ZNF597: variants seen among roughly 807,000 people sequenced by gnomAD.
The protein encoded by ZNF597 is zinc finger protein 597.
ZNF597 carries 5 observed loss-of-function variants against 7.3 expected under a neutral mutation model. The ratio of observed to expected loss-of-function variants is 0.68; its 90% CI spans 0.36 to 1.44. The LOEUF is 1.44. ZNF597 is among the 40% of genes most tolerant of loss of function. The pLI, the probability that ZNF597 is intolerant of heterozygous loss-of-function variation, is 0.04. For missense variants in ZNF597, 585 were observed against 517.9 expected (o/e 1.13, Z -1.26); for synonymous variants, 209 against 185.4 (o/e 1.13, Z -1.04).
intron 3 of ZNF597, among the ~76,000 whole-genome samples, chr16:3,438,940 C>T (rs1206140163): frequency 6.6e-6 from 1 of 152,184 alleles, no homozygotes; most frequent in Non-Finnish European, 1.5e-5. Flanking sequence ...TCATGGGAAT[C>T]CAAACAGTAC....
At chr16:3,438,982 T>C (rs1244827537) in intron 3 of ZNF597, among the ~76,000 whole-genome samples, 1 of 152,018 alleles carries the variant, frequency 6.6e-6, no homozygotes, top group Non-Finnish European at 1.5e-5. Context: ...GGGGACTGAG[T>C]TCAGAGATCA....
intron 3 of ZNF597, among the ~76,000 whole-genome samples, chr16:3,438,981 G>C (rs2034335193): frequency 6.6e-6 from 1 of 152,196 alleles, no homozygotes; most frequent in Non-Finnish European, 1.5e-5. Context: ...AGGGGACTGA[G>C]TTCAGAGATC....
rs1181983683 is a variant in ZNF597, at chr16:3,432,530, A to C, written c.*3894T>G. On this transcript the variant is annotated 3_prime_UTR_variant, in exon 4 of 4. Coordinates refer to ENST00000301744, the MANE Select transcript of ZNF597 (RefSeq NM_152457.3). The stretch of plus-strand genomic sequence containing the variant: ...TGATGAGAATACGTCAAAAAGAGTA[A>C]GACCCAAAACATTGAATAAACAGTA... 1 of 152,220 alleles carries C rather than the reference A, an allele frequency of 6.6e-6. No homozygotes were observed. Among genetic ancestry groups the C allele is most frequent in the Non-Finnish European group, 1.5e-5 (1 of 68,042 alleles). 9.4% of individuals were successfully genotyped at this position (152,220 alleles called of 1,614,324 possible).
At position 3,436,582 on chromosome 16, in the gene ZNF597, T is replaced by A; in HGVS notation, c.1117A>T (p.Thr373Ser). The change falls in exon 4 of 4, where the codon ACA becomes TCA. Residue 373 changes from threonine to serine, a missense_variant. Transcript: ENST00000301744. ...TCCAAAGCAAAACTTTCCTCGCATG[T>A]TTTGCACTTATGGGGCCTTTCCTCT... ...HTEERPHKCK[T>S]CEESFALDSE... 6.2e-7 allele frequency: 1 copy of A among 1,610,622 alleles called. No homozygotes were observed. The highest frequency in any genetic ancestry group is 8.5e-7 in the Non-Finnish European group (1 of 1,178,136).
At chr16:3,437,668 A>T in intron 3 of ZNF597, 130 bp from the exon 4 acceptor site, 2 of 1,385,756 alleles carry the variant, frequency 1.4e-6, no homozygotes, top group Non-Finnish European at 1.9e-6. Flanking sequence ...CCCAGACACT[A>T]ACCACACAAA....
At position 3,436,628 on chromosome 16, in the gene ZNF597, A is replaced by T; in HGVS notation, c.1071T>A (p.Ile357=). 6.2e-7 allele frequency: 1 copy of T among 1,606,604 alleles called. No homozygotes were observed. Among genetic ancestry groups the T allele is most frequent in the Non-Finnish European group, 8.5e-7 (1 of 1,175,912 alleles). ...CCTCTGTATGAATGTTCTGATGGGA[A>T]ATAAGCTCAGAGAAACAAGGAAAGG... is the stretch of plus-strand genomic sequence containing the variant. ...DMTFPCFSEL[I]SHQNIHTEER... Residue 357 remains isoleucine (I), a synonymous_variant, in exon 4 of 4, where the codon ATT becomes ATA. Transcript: ENST00000301744.
intron 3 of ZNF597, among the ~76,000 whole-genome samples, chr16:3,440,097 A>G (rs1298899541): frequency 6.6e-6 from 1 of 152,214 alleles, no homozygotes; most frequent in Non-Finnish European, 1.5e-5. Flanking sequence ...ACTCAATCCT[A>G]GTCAGAAATA....
Position 3,434,312 on chromosome 16 carries a change from G to C in ZNF597, c.*2112C>G, listed in dbSNP as rs955808868. 6.6e-6 allele frequency: 1 copy of C among 152,216 alleles called. No homozygotes were observed. Among genetic ancestry groups the C allele is most frequent in the African/African-American group, 2.4e-5 (1 of 41,450 alleles). 9.4% of individuals were successfully genotyped at this position (152,216 alleles called of 1,614,324 possible). A position where few individuals can be genotyped will look rare whatever the true frequency, so the allele number is the denominator to read the frequency against. On this transcript the variant is annotated 3_prime_UTR_variant, in exon 4 of 4. Transcript: ENST00000301744. ...GGCTCCTGCCAGTTTCTCCCACTGA[G>C]GGCAGAAGCAGGAGAGCAAGGAGGT... is the stretch of plus-strand genomic sequence containing the variant.
Position 3,432,653 on chromosome 16 carries a change from C to T in ZNF597, c.*3771G>A, listed in dbSNP as rs989905908. ...ACAGAAGAATATTTATATTGTATTC[C>T]CCCCCTACAGACTTAATGCAAAGAG... On this transcript the variant is annotated 3_prime_UTR_variant, in exon 4 of 4. Coordinates refer to ENST00000301744, the MANE Select transcript of ZNF597 (RefSeq NM_152457.3). The T allele has an allele frequency of 3.3e-5, 5 of 152,172 alleles. No individual in the cohort carries two copies. The East Asian group carries it at 7.7e-4, about 24-fold the overall frequency. The allele number at this position is 152,172 out of a possible 1,614,324, so 9.4% of individuals were successfully genotyped here. A position where few individuals can be genotyped will look rare whatever the true frequency, so the allele number is the denominator to read the frequency against.
At position 3,436,137 on chromosome 16, in the gene ZNF597, T is replaced by C; in HGVS notation, c.*287A>G. On this transcript the variant is annotated 3_prime_UTR_variant, in exon 4 of 4. Coordinates refer to ENST00000301744, the MANE Select transcript of ZNF597 (RefSeq NM_152457.3). ...ACTTTAGCAAGAGCCTTCATTTTAA[T>C]GAAAATTGAATTTAAACAAAAGTTG... 3.0e-6 allele frequency: 1 copy of C among 328,816 alleles called. No individual in the cohort carries two copies. The highest frequency in any genetic ancestry group is 5.2e-5 in the East Asian group (1 of 19,246). 20.4% of individuals were successfully genotyped at this position (328,816 alleles called of 1,614,324 possible).
rs1169693350 is a variant in ZNF597 at position 3,433,922 on chromosome 16, T to G, written c.*2502A>C. On this transcript the variant is annotated 3_prime_UTR_variant, in exon 4 of 4. Coordinates refer to ENST00000301744, the MANE Select transcript of ZNF597 (RefSeq NM_152457.3). Reference sequence around the variant, plus strand: ...TGTTAATGTTTCTGAAAAGGGCTATTTTTTCTAATCTTTTAGGAAGTTTGT... The same window carrying G: ...TGTTAATGTTTCTGAAAAGGGCTATGTTTTCTAATCTTTTAGGAAGTTTGT... 1 of 152,212 alleles carries G rather than the reference T, an allele frequency of 6.6e-6. No individual in the cohort carries two copies. Among genetic ancestry groups the G allele is most frequent in the African/African-American group, 2.4e-5 (1 of 41,440 alleles). The allele number at this position is 152,212 out of a possible 1,614,324, so 9.4% of individuals were successfully genotyped here.
chr16:3,438,709 C>A (rs796655696), intron 3 of ZNF597, among the ~76,000 whole-genome samples: 8 of 152,152 alleles, frequency 5.3e-5, no homozygotes, highest in African/African-American at 1.9e-4. Flanking sequence ...CTTTACTCCT[C>A]ACTGAGGAAA....
chr16:3,442,850 CAAACA>C (rs551104879), intron 2 of ZNF597, among the ~76,000 whole-genome samples: 5 of 152,110 alleles, frequency 3.3e-5, no homozygotes, highest in African/African-American at 9.7e-5. Context: ...ACCCTATCTC[CAAACA>C]AAACAAAACA....
intron 3 of ZNF597, among the ~76,000 whole-genome samples, chr16:3,439,369 C>G (rs1362636778): frequency 6.6e-6 from 1 of 151,424 alleles, no homozygotes; most frequent in Non-Finnish European, 1.5e-5. Flanking sequence ...GGTGACAGAT[C>G]AAGATACTGT....
chr16:3,433,053 T>A lies in ZNF597; in HGVS notation c.*3371A>T, dbSNP rs144990793. ...TCACTAGAACATTGCCACTTAATTA[T>A]ATGGAAACTCAGGAGGCAAAGACTC... On this transcript the variant is annotated 3_prime_UTR_variant, in exon 4 of 4. Coordinates refer to ENST00000301744, the MANE Select transcript of ZNF597 (RefSeq NM_152457.3). The A allele has an allele frequency of 2.0e-5, 3 of 152,296 alleles. No individual in the cohort carries two copies. The highest frequency in any genetic ancestry group is 7.2e-5 in the African/African-American group (3 of 41,574). 9.4% of individuals were successfully genotyped at this position (152,296 alleles called of 1,614,324 possible).
rs2150932731 is a variant in ZNF597, at chr16:3,436,992, T to G, written c.707A>C (p.Lys236Thr). 2 of 1,614,206 alleles carry G rather than the reference T, an allele frequency of 1.2e-6. No individual in the cohort carries two copies. The highest frequency in any genetic ancestry group is 2.2e-5 in the East Asian group (1 of 44,882). ...HLSRHMNSHV[K>T]EKPYTCSICG... ...TATGCTACATGTATAGGGCTTCTCC[T>G]TTACGTGGCTATTCATGTGTCGGGA... The change falls in exon 4 of 4, where the codon AAG becomes ACG. Residue 236 changes from lysine to threonine, a missense_variant. Coordinates refer to ENST00000301744, the MANE Select transcript of ZNF597 (RefSeq NM_152457.3).
At chr16:3,442,999 G>T in intron 2 of ZNF597, 122 bp downstream of exon 2, 1 of 1,148,338 alleles carries the variant, frequency 8.7e-7, no homozygotes. Flanking sequence ...TGGTCAAAGG[G>T]CTATTTGGGG....
In ZNF597 at chr16:3,436,360, A is replaced by C; in HGVS notation, c.*64T>G. ...GCACATTGCCTGGGACATATACAGT[A>C]ACTGCTTCCCACCATACAGATACTG... On this transcript the variant is annotated 3_prime_UTR_variant, in exon 4 of 4. Coordinates refer to ENST00000301744, the MANE Select transcript of ZNF597 (RefSeq NM_152457.3). 9 of 1,493,052 alleles carry C rather than the reference A, an allele frequency of 6.0e-6. No homozygotes were observed. The highest frequency in any genetic ancestry group is 7.3e-6 in the Non-Finnish European group (8 of 1,098,790). The allele number at this position is 1,493,052 out of a possible 1,614,324, so 92.5% of individuals were successfully genotyped here. A position where few individuals can be genotyped will look rare whatever the true frequency, so the allele number is the denominator to read the frequency against.
chr16:3,435,357 T>G lies in ZNF597; in HGVS notation c.*1067A>C, dbSNP rs2034289612. ...CGCCTCCATGAGGACCACCCTCACC[T>G]ATCTCAGCTCCCCTTTCCCTGGCTG... On this transcript the variant is annotated 3_prime_UTR_variant, in exon 4 of 4. Transcript: ENST00000301744. 6.6e-6 allele frequency: 1 copy of G among 152,316 alleles called. No homozygotes were observed. The highest frequency in any genetic ancestry group is 2.4e-5 in the African/African-American group (1 of 41,456). The allele number at this position is 152,316 out of a possible 1,614,324, so 9.4% of individuals were successfully genotyped here.
Sources: gnomAD v4.1 joint callset for allele counts (sites outside exome capture counted in the v4.1 genomes callset) on GRCh38, gnomAD v4.1.1 for gene constraint, MANE v1.5 for transcripts, NCBI Gene and HGNC (gene_info 2026-07-23, HGNC 2026-07-21) for gene names.